Variants in OPCML observed in about 807,000 individuals in gnomAD.
OPCML encodes opioid-binding protein/cell adhesion molecule.
In OPCML, 13 loss-of-function variants were observed where a neutral mutation model predicts 37.8. That is an observed-to-expected ratio of 0.34 (90% CI 0.22 to 0.55). The LOEUF is 0.55. Among genes scored for constraint, OPCML ranks in the 20% least tolerant of loss-of-function variants. The pLI is 0.91. For synonymous variants in OPCML, 176 were observed against 168.8 expected (o/e 1.04, Z -0.33); for missense variants, 341 against 435.6 (o/e 0.78, Z 1.93).
chr11:133,397,075 T>A (rs1418097011), intron 1 of OPCML, among the ~76,000 whole-genome samples: 1 of 152,300 alleles, frequency 6.6e-6, no homozygotes, highest in Middle Eastern at 3.4e-3. Flanking sequence ...TGATTCTGGA[T>A]GATTTTCCTG....
At chr11:132,620,384 T>C (rs1053229691) in intron 3 of OPCML, among the ~76,000 whole-genome samples, 1 of 152,238 alleles carries the variant, frequency 6.6e-6, no homozygotes, top group Non-Finnish European at 1.5e-5. Flanking sequence ...TGATCAAGCC[T>C]AGTTAATATG....
intron 2 of OPCML, among the ~76,000 whole-genome samples, chr11:132,726,632 C>T (rs527907145): frequency 6.6e-6 from 1 of 151,950 alleles, no homozygotes; most frequent in Non-Finnish European, 1.5e-5. Flanking sequence ...CCTTGTAGAA[C>T]CAAAGAGTTG....
chr11:132,552,761 C>CCCTTTTTTTTTTTTT (rs1337627753), intron 3 of OPCML, among the ~76,000 whole-genome samples: 4 of 67,478 alleles, frequency 5.9e-5, no homozygotes, highest in African/African-American at 4.3e-4. Context: ...TTAAACACTA[C>CCCTTTTTTTTTTTTT]TCTTTTTTTT....
intron 3 of OPCML, among the ~76,000 whole-genome samples, chr11:132,644,503 T>C (rs1029261493): frequency 3.9e-5 from 6 of 151,928 alleles, no homozygotes; most frequent in African/African-American, 1.5e-4. Flanking sequence ...AGAAAAAAAA[T>C]TAAAAGAAAG....
intron 1 of OPCML, among the ~76,000 whole-genome samples, chr11:133,286,432 T>C (rs1367272249): frequency 7.2e-5 from 8 of 111,212 alleles, no homozygotes; most frequent in East Asian, 9.4e-4. Flanking sequence ...ATCGCGCCAC[T>C]GCACTCCAGC....
chr11:132,837,514 G>A (rs137874303), intron 2 of OPCML, among the ~76,000 whole-genome samples: 4 of 152,254 alleles, frequency 2.6e-5, no homozygotes, highest in African/African-American at 9.6e-5. Context: ...AGCTATAGGG[G>A]GAAAATGATA....
At chr11:132,944,107 G>A (rs1945683295) in intron 1 of OPCML, among the ~76,000 whole-genome samples, 2 of 151,948 alleles carry the variant, frequency 1.3e-5, no homozygotes, top group Admixed American at 6.5e-5. Context: ...AGCCCGCACC[G>A]CGCCCACTTC....
chr11:133,268,121 A>G (rs1473214539), intron 1 of OPCML, among the ~76,000 whole-genome samples: 1 of 152,114 alleles, frequency 6.6e-6, no homozygotes, highest in African/African-American at 2.4e-5. Flanking sequence ...CCAGTCAAGA[A>G]TTTCTGGCAA....
intron 2 of OPCML, among the ~76,000 whole-genome samples, chr11:132,906,412 C>T (rs1027315475): frequency 1.3e-5 from 2 of 152,150 alleles, no homozygotes; most frequent in Non-Finnish European, 1.5e-5. Flanking sequence ...CCCTAAGAAC[C>T]GCCCTTTCTA....
intron 3 of OPCML, among the ~76,000 whole-genome samples, chr11:132,637,355 G>A (rs898158431): frequency 6.6e-6 from 1 of 151,986 alleles, no homozygotes; most frequent in Admixed American, 6.6e-5. Context: ...CCAAAGTAGG[G>A]GACAGACCTG....
intron 1 of OPCML, among the ~76,000 whole-genome samples, chr11:133,131,998 G>A (rs114824901): frequency 0.014 from 2,145 of 152,094 alleles, 63 homozygotes; most frequent in African/African-American, 0.047. Context: ...AAAATATAAC[G>A]CTGTAAAACT....
At chr11:133,192,312 C>A (rs1938357616) in intron 1 of OPCML, among the ~76,000 whole-genome samples, 1 of 152,112 alleles carries the variant, frequency 6.6e-6, no homozygotes, top group Non-Finnish European at 1.5e-5. Flanking sequence ...AGATTGATAG[C>A]CCTATCTACA....
intron 1 of OPCML, among the ~76,000 whole-genome samples, chr11:133,144,572 C>A (rs959041729): frequency 6.6e-6 from 1 of 152,194 alleles, no homozygotes; most frequent in Middle Eastern, 3.2e-3. Flanking sequence ...ACATGGGAAG[C>A]ATCTAGCACG....
At chr11:133,151,697 C>T (rs1163519213) in intron 1 of OPCML, among the ~76,000 whole-genome samples, 1 of 152,202 alleles carries the variant, frequency 6.6e-6, no homozygotes, top group Non-Finnish European at 1.5e-5. Flanking sequence ...GGCTATTCTT[C>T]ACCCTGTGGA....
chr11:133,468,095 TTA>T (rs1275178779), intron 1 of OPCML, among the ~76,000 whole-genome samples: 1 of 152,158 alleles, frequency 6.6e-6, no homozygotes, highest in Non-Finnish European at 1.5e-5. Flanking sequence ...GCTGCAAATT[TTA>T]GTGTTGTGGT....
chr11:133,321,637 C>A (rs141289987), intron 1 of OPCML, among the ~76,000 whole-genome samples: 2,572 of 152,262 alleles, frequency 0.017, 86 homozygotes, highest in African/African-American at 0.058. Flanking sequence ...AGCATAAAAT[C>A]AGGCTTTTCA....
At chr11:132,713,476 C>A (rs1944349333) in intron 2 of OPCML, among the ~76,000 whole-genome samples, 1 of 152,170 alleles carries the variant, frequency 6.6e-6, no homozygotes, top group African/African-American at 2.4e-5. Flanking sequence ...CCTGTGACCT[C>A]AAGTACAGCA....
At chr11:133,454,895 G>A (rs1333396962) in intron 1 of OPCML, among the ~76,000 whole-genome samples, 1 of 152,136 alleles carries the variant, frequency 6.6e-6, no homozygotes, top group Non-Finnish European at 1.5e-5. Flanking sequence ...TGGATAAAAA[G>A]AAAGACTGGC....
chr11:132,968,095 T>G (rs1031849627), intron 1 of OPCML, among the ~76,000 whole-genome samples: 9 of 152,336 alleles, frequency 5.9e-5, no homozygotes, highest in African/African-American at 2.2e-4. Context: ...ACATTTATCT[T>G]GTACATATTT....
Sources: allele counts gnomAD v4.1 joint callset (sites outside exome capture counted in the v4.1 genomes callset), GRCh38; gene constraint gnomAD v4.1.1; transcripts MANE v1.5; gene names NCBI Gene and HGNC (gene_info 2026-07-23, HGNC 2026-07-21).